SPTLC2: variants seen among roughly 807,000 people sequenced by gnomAD.
SPTLC2 encodes serine palmitoyltransferase 2.
In SPTLC2, 21 loss-of-function variants were observed where a neutral mutation model predicts 62.0. That is an observed-to-expected ratio of 0.34 (90% CI 0.24 to 0.49). The LOEUF is 0.49. Among genes scored for constraint, SPTLC2 ranks in the 20% least tolerant of loss-of-function variants. The probability of loss-of-function intolerance (pLI) is 0.99; values close to 1 mark genes in which losing one functional copy is unlikely to be tolerated. For missense variants in SPTLC2, 511 were observed against 713.0 expected, an observed-to-expected ratio of 0.72 and a Z score of 3.23; for synonymous variants, 261 against 261.8, an observed-to-expected ratio of 1.00 and a Z score of 0.03.
At chr14:77,574,450 A>G (rs1488504903) in intron 4 of SPTLC2, among the ~76,000 whole-genome samples, 1 of 152,240 alleles carries the variant, frequency 6.6e-6, no homozygotes, top group African/African-American at 2.4e-5. Context: ...TTCCTCAAAA[A>G]GTCAAACACA....
intron 11 of SPTLC2, among the ~76,000 whole-genome samples, chr14:77,515,440 TAA>T (rs961582462): frequency 7.2e-5 from 11 of 152,168 alleles, no homozygotes; most frequent in African/African-American, 2.4e-4. Context: ...TCCATTTCTT[TAA>T]GTCTTCTGTA....
At chr14:77,559,794 G>A (rs1283874391) in intron 6 of SPTLC2, among the ~76,000 whole-genome samples, 1 of 152,108 alleles carries the variant, frequency 6.6e-6, no homozygotes, top group Non-Finnish European at 1.5e-5. Context: ...AGGAGACTGA[G>A]GCAGGAGAAT....
chr14:77,613,555 TG>T (rs1169196659), intron 1 of SPTLC2, among the ~76,000 whole-genome samples: 9 of 152,216 alleles, frequency 5.9e-5, no homozygotes, highest in Non-Finnish European at 1.3e-4. Flanking sequence ...ATCCAAGAGT[TG>T]TTCTTTTACT....
intron 1 of SPTLC2, among the ~76,000 whole-genome samples, chr14:77,602,598 G>A (rs1328817900): frequency 6.6e-6 from 1 of 150,804 alleles, no homozygotes; most frequent in East Asian, 1.9e-4. Flanking sequence ...CACCCAGGAT[G>A]GAGTGCAGTG....
chr14:77,557,755 A>G (rs905423574), intron 6 of SPTLC2, among the ~76,000 whole-genome samples: 1 of 152,194 alleles, frequency 6.6e-6, no homozygotes, highest in Non-Finnish European at 1.5e-5. Context: ...CAATCAGTTG[A>G]AATTGTTCCA....
chr14:77,571,746 C>T (rs1407165596), intron 4 of SPTLC2, among the ~76,000 whole-genome samples: 1 of 152,208 alleles, frequency 6.6e-6, no homozygotes, highest in East Asian at 1.9e-4. Context: ...GCCCTATCTA[C>T]CTCATGACAT....
intron 9 of SPTLC2, among the ~76,000 whole-genome samples, chr14:77,524,214 G>C (rs1401774175): frequency 6.6e-6 from 1 of 152,066 alleles, no homozygotes; most frequent in African/African-American, 2.4e-5. Flanking sequence ...ACTCTAAAAA[G>C]ACATACTGTA....
intron 2 of SPTLC2, among the ~76,000 whole-genome samples, chr14:77,590,652 C>T (rs2079810843): frequency 6.6e-6 from 1 of 152,108 alleles, no homozygotes; most frequent in Non-Finnish European, 1.5e-5. Flanking sequence ...ACAGAAGTTG[C>T]AGTAAGCCGA....
intron 7 of SPTLC2, among the ~76,000 whole-genome samples, chr14:77,556,733 TTTTGA>T (rs2079586236): frequency 3.3e-5 from 2 of 61,394 alleles, no homozygotes; most frequent in South Asian, 1.2e-3. Context: ...GTGTAATTTG[TTTTGA>T]CATATTAAAA....
At chr14:77,545,290 G>A (rs2079522092) in intron 9 of SPTLC2, among the ~76,000 whole-genome samples, 1 of 151,204 alleles carries the variant, frequency 6.6e-6, no homozygotes, top group African/African-American at 2.4e-5. Flanking sequence ...TTTGAGATGG[G>A]AGTTTCACTC....
Position 77,616,452 on chromosome 14 carries a change from CCGGCGG to C in SPTLC2, c.122_127del (p.Ala41_Ala42del), listed in dbSNP as rs1555379635. 4.0e-6 allele frequency: 6 copies of C among 1,484,176 alleles called. No homozygotes were observed. The South Asian group carries it at 7.6e-5, about 19-fold the overall frequency. The allele number at this position is 1,484,176 out of a possible 1,614,324, so 91.9% of individuals were successfully genotyped here. On this transcript the variant is annotated inframe_deletion, in exon 1 of 12. Coordinates refer to ENST00000216484, the MANE Select transcript of SPTLC2 (RefSeq NM_004863.4). ...CGCCGCGCGGGCCCCTCGTACCTGG[CCGGCGG>C]CGGCTGCGGCTGCGGCTGCAGCGCT...
chr14:77,559,179 C>T (rs559966269), intron 6 of SPTLC2, among the ~76,000 whole-genome samples: 3 of 152,066 alleles, frequency 2.0e-5, no homozygotes, highest in East Asian at 3.9e-4. Context: ...AAAAATTAGC[C>T]GGTTGTGGTG....
At chr14:77,610,256 T>C (rs1314214506) in intron 1 of SPTLC2, among the ~76,000 whole-genome samples, 1 of 152,094 alleles carries the variant, frequency 6.6e-6, no homozygotes, top group Non-Finnish European at 1.5e-5. Context: ...TTCTACTACC[T>C]CAGACTCCCA....
Position 77,511,058 on chromosome 14 carries a change from G to A in SPTLC2, c.*1226C>T, listed in dbSNP as rs1279845214. The A allele has an allele frequency of 6.6e-6, 1 of 152,244 alleles. No individual in the cohort carries two copies. The highest frequency in any genetic ancestry group is 1.5e-5 in the Non-Finnish European group (1 of 68,032). The allele number at this position is 152,244 out of a possible 1,614,324, so 9.4% of individuals were successfully genotyped here. On this transcript the variant is annotated 3_prime_UTR_variant, in exon 12 of 12. Transcript: ENST00000216484. ...TTTAGGAAAGAGATCTATGTGTTCAGAATTTCTCAGAAAAAAATAAAAAAT... is the reference window on the plus strand; with the variant it reads ...TTTAGGAAAGAGATCTATGTGTTCAAAATTTCTCAGAAAAAAATAAAAAAT...
In SPTLC2 at chr14:77,591,722, G is replaced by T. The variant is rs200475544; in HGVS notation, c.327+5464C>A. The stretch of plus-strand genomic sequence containing the variant: ...TGTATGTATGTATGTATGTATGTAT[G>T]TATGTATGTATTTATTTTTAGACGG... On this transcript the variant is annotated intron_variant, in intron 2 of 11. Coordinates refer to ENST00000216484, the MANE Select transcript of SPTLC2 (RefSeq NM_004863.4). Among the ~76,000 whole-genome samples, 10 of 99,432 alleles carry T rather than the reference G, an allele frequency of 1.0e-4. No homozygotes were observed. In the East Asian group the frequency reaches 6.0e-3, roughly 59 times the overall value. 65.2% of individuals were successfully genotyped at this position (99,432 alleles called of 152,430 possible). A position where few individuals can be genotyped will look rare whatever the true frequency, so the allele number is the denominator to read the frequency against.
chr14:77,549,716 T>C (rs949715370), intron 9 of SPTLC2, among the ~76,000 whole-genome samples: 4 of 152,184 alleles, frequency 2.6e-5, no homozygotes, highest in African/African-American at 7.2e-5. Flanking sequence ...TCACTAAGCT[T>C]TGGGGGTGGC....
intron 2 of SPTLC2, among the ~76,000 whole-genome samples, chr14:77,584,882 G>A (rs2140045829): frequency 6.6e-6 from 1 of 152,216 alleles, no homozygotes; most frequent in East Asian, 1.9e-4. Context: ...TGTGATGTAG[G>A]GTCTGCCAGT....
intron 4 of SPTLC2, among the ~76,000 whole-genome samples, chr14:77,572,429 A>C (rs372027035): frequency 6.6e-6 from 1 of 152,212 alleles, no homozygotes; most frequent in Non-Finnish European, 1.5e-5. Context: ...ACCAAAAAAG[A>C]TATTTTGACG....
chr14:77,611,141 A>AAC (rs1385629901), intron 1 of SPTLC2, among the ~76,000 whole-genome samples: 1 of 150,070 alleles, frequency 6.7e-6, no homozygotes, highest in East Asian at 2.0e-4. Context: ...AAAATACAAA[A>AAC]AAAAAAAAAA....
Sources: gnomAD v4.1 joint callset for allele counts (sites outside exome capture counted in the v4.1 genomes callset) on GRCh38, gnomAD v4.1.1 for gene constraint, MANE v1.5 for transcripts, NCBI Gene and HGNC (gene_info 2026-07-23, HGNC 2026-07-21) for gene names.